Variants in ABCA3 observed in about 807,000 individuals in gnomAD.
ABCA3 encodes ATP binding cassette subfamily A member 3, also known as phospholipid-transporting ATPase ABCA3.
A neutral mutation model predicts 172.8 loss-of-function variants in ABCA3; 88 were observed. The ratio of observed to expected loss-of-function variants is 0.51; its 90% CI spans 0.43 to 0.61. The LOEUF is 0.61. ABCA3 is among the 20% of genes least tolerant of loss of function. The probability of loss-of-function intolerance (pLI) is 0.00; values close to 1 mark genes in which losing one functional copy is unlikely to be tolerated. For missense variants in ABCA3, 2,164 were observed against 2,301.0 expected, an observed-to-expected ratio of 0.94 and a Z score of 1.22; for synonymous variants, 1,066 against 983.8, an observed-to-expected ratio of 1.08 and a Z score of -1.56.
Position 2,309,494 on chromosome 16 carries a change from G to A in ABCA3, c.1112-871C>T, listed in dbSNP as rs578058207. 4.6e-5 allele frequency among the ~76,000 whole-genome samples: 7 copies of A among 152,334 alleles called. No homozygotes were observed. In the South Asian group the frequency reaches 6.2e-4, roughly 14 times the overall value. On this transcript the variant is annotated intron_variant, in intron 10 of 32. Coordinates refer to ENST00000301732, the MANE Select transcript of ABCA3 (RefSeq NM_001089.3). ...ATGGGAGAAGAGGCTCCCGACGGCC[G>A]GGAAGGCTTCGAGGAGGTGACATGT...
intron 2 of ABCA3, among the ~76,000 whole-genome samples, chr16:2,329,358 G>A (rs754825358): frequency 2.1e-4 from 32 of 152,164 alleles, no homozygotes; most frequent in Admixed American, 7.9e-4. Flanking sequence ...AGAAGAGGCC[G>A]GTGCCTCCAT....
chr16:2,294,739 T>C (rs1032452434), intron 18 of ABCA3, among the ~76,000 whole-genome samples: 9 of 152,098 alleles, frequency 5.9e-5, no homozygotes, highest in Admixed American at 5.9e-4. Context: ...TCTTAGCACT[T>C]TGGGAGGCCG....
intron 28 of ABCA3, among the ~76,000 whole-genome samples, chr16:2,280,045 G>T (rs904798417): frequency 3.3e-5 from 5 of 152,230 alleles, no homozygotes; most frequent in Non-Finnish European, 7.3e-5. Flanking sequence ...CACGCTCCCA[G>T]CCCAGAATCT....
In ABCA3 at chr16:2,277,023, C is replaced by T. The variant is rs568375759; in HGVS notation, c.4984-218G>A. On this transcript the variant is annotated intron_variant, in intron 32 of 32. Coordinates refer to ENST00000301732, the MANE Select transcript of ABCA3 (RefSeq NM_001089.3). This position sits in a 1 kb window ranked among gnomAD's most constrained non-coding sequence, Gnocchi z 5.3. ...GGAGCCAGCGGGGATGGGGCCCAGC[C>T]TCCTCCCTGTGCTGTTCCCAGCTCA... is the stretch of plus-strand genomic sequence containing the variant. 7.9e-5 allele frequency among the ~76,000 whole-genome samples: 12 copies of T among 152,326 alleles called. No homozygotes were observed. Among genetic ancestry groups the T allele is most frequent in the Non-Finnish European group, 2.9e-5 (2 of 68,020 alleles).
chr16:2,326,115 G>T lies in ABCA3; in HGVS notation c.214C>A (p.Pro72Thr). 1 of 1,614,160 alleles carries T rather than the reference G, an allele frequency of 6.2e-7. No individual in the cohort carries two copies. Among genetic ancestry groups the T allele is most frequent in the Non-Finnish European group, 8.5e-7 (1 of 1,180,052 alleles). Residue 72 changes from proline to threonine, a missense_variant, in exon 5 of 33, where the codon CCT becomes ACT. Around this residue, in one of 3 missense-constraint regions of ABCA3, gnomAD observed 1,343 missense variants for 1,369.6 expected, o/e 0.98. Transcript: ENST00000301732. The stretch of plus-strand genomic sequence containing the variant: ...AGCTCCCAGGTGTCTCCTGGCGGAG[G>T]GAAGGTGAAGAACAGAGGCAGCTCC... ...IQELPLFFTF[P>T]PPGDTWELAY...
chr16:2,333,535 C>T (rs1034348817), intron 1 of ABCA3, among the ~76,000 whole-genome samples: 3 of 152,136 alleles, frequency 2.0e-5, no homozygotes, highest in Non-Finnish European at 4.4e-5. Context: ...CACTGAGGCA[C>T]GGAGGACAGT....
chr16:2,288,369 G>C (rs750063110), intron 20 of ABCA3, 40 bp from the exon 21 acceptor site: 7 of 1,529,912 alleles, frequency 4.6e-6, no homozygotes, highest in Non-Finnish European at 6.1e-6. Context: ...GCACCGCTTG[G>C]GGCCCAGCGC....
At chr16:2,292,651 A>G (rs1035815423) in intron 18 of ABCA3, among the ~76,000 whole-genome samples, 1 of 151,856 alleles carries the variant, frequency 6.6e-6, no homozygotes, top group Non-Finnish European at 1.5e-5. Flanking sequence ...CAGGTGCAGT[A>G]TCTCACACCT....
intron 8 of ABCA3, among the ~76,000 whole-genome samples, chr16:2,318,550 C>T (rs1014827646): frequency 6.6e-6 from 1 of 150,626 alleles, no homozygotes; most frequent in Non-Finnish European, 1.5e-5. Flanking sequence ...TCTTGCTCTG[C>T]TGCCCAGGCT....
At chr16:2,296,399 T>C (rs2093679881) in intron 17 of ABCA3, among the ~76,000 whole-genome samples, 1 of 152,180 alleles carries the variant, frequency 6.6e-6, no homozygotes, top group Non-Finnish European at 1.5e-5. Context: ...CATACCTGGT[T>C]AAGTTTTTGT....
chr16:2,309,180 T>G (rs1368126682), intron 10 of ABCA3, among the ~76,000 whole-genome samples: 1 of 152,142 alleles, frequency 6.6e-6, no homozygotes, highest in Admixed American at 6.5e-5. Context: ...TCTCCTGACC[T>G]CGTGATCCAC....
chr16:2,324,651 TTCC>T, intron 5 of ABCA3, 120 bp from the exon 6 acceptor site: 1 of 1,428,720 alleles, frequency 7.0e-7, no homozygotes, highest in Non-Finnish European at 9.5e-7. Flanking sequence ...TTGTAAACCC[TTCC>T]TGAGACTCAA....
chr16:2,294,560 C>T (rs949091220), intron 18 of ABCA3, among the ~76,000 whole-genome samples: 1 of 152,126 alleles, frequency 6.6e-6, no homozygotes, highest in African/African-American at 2.4e-5. Flanking sequence ...TGTTGATACA[C>T]ACCTGTAGTC....
chr16:2,309,142 T>G (rs1385073061), intron 10 of ABCA3, among the ~76,000 whole-genome samples: 1 of 152,098 alleles, frequency 6.6e-6, no homozygotes, highest in Non-Finnish European at 1.5e-5. Context: ...GAGATAGGGT[T>G]TCACCGTGTT....
Position 2,283,211 on chromosome 16 carries a change from C to T in ABCA3, c.4010G>A (p.Cys1337Tyr), listed in dbSNP as rs1393778400. 2.5e-6 allele frequency: 4 copies of T among 1,613,328 alleles called. No individual in the cohort carries two copies. Among genetic ancestry groups the T allele is most frequent in the Admixed American group, 1.7e-5 (1 of 60,028 alleles). ...CAGTGTCCGCCTCCTCCGGAGGGCG[C>T]AGAGGATGCCCCTGAGTCTCTGAAG... ...NLLQRLRGILCALRRRRTLTE... is the reference protein window; with the variant it reads ...NLLQRLRGILYALRRRRTLTE... The change falls in exon 26 of 33, where the codon TGC becomes TAC. Residue 1337 changes from cysteine to tyrosine, a missense_variant. Cys to Tyr is a radical substitution (Grantham distance 194, BLOSUM62 -2). Coordinates refer to ENST00000301732, the MANE Select transcript of ABCA3 (RefSeq NM_001089.3). The surrounding 1 kb of genome is among the most constrained non-coding windows in gnomAD (Gnocchi z 5.4).
intron 10 of ABCA3, among the ~76,000 whole-genome samples, chr16:2,316,615 C>T (rs1596859178): frequency 6.9e-6 from 1 of 143,910 alleles, no homozygotes; most frequent in East Asian, 2.1e-4. Flanking sequence ...GAGGCAGAGA[C>T]TGCAGTGAGC....
rs2093658192 is a variant in ABCA3 at position 2,283,443 on chromosome 16, G to C, written c.3863-85C>G. 6.8e-7 allele frequency: 1 copy of C among 1,469,404 alleles called. No homozygotes were observed. Among genetic ancestry groups the C allele is most frequent in the African/African-American group, 1.4e-5 (1 of 71,298 alleles). The allele number at this position is 1,469,404 out of a possible 1,614,324, so 91.0% of individuals were successfully genotyped here. A position where few individuals can be genotyped will look rare whatever the true frequency, so the allele number is the denominator to read the frequency against. ...TTCCCGGCCCCCACTCCCCTCCCCA[G>C]GCTGCTCAAGGCGCCTGTAACAATG... On this transcript the variant is annotated intron_variant, in intron 25 of 32. Transcript: ENST00000301732. The surrounding 1 kb of genome is among the most constrained non-coding windows in gnomAD (Gnocchi z 5.4).
chr16:2,327,531 G>A (rs1023416741), intron 3 of ABCA3, among the ~76,000 whole-genome samples: 5 of 152,160 alleles, frequency 3.3e-5, no homozygotes, highest in Admixed American at 3.3e-4. Flanking sequence ...TGCAGGGAAG[G>A]GGAAAGGAGG....
chr16:2,332,196 C>T, intron 1 of ABCA3: 1 of 372,800 alleles, frequency 2.7e-6, no homozygotes, highest in Non-Finnish European at 4.9e-6. Context: ...GGCCAGTGCT[C>T]AGCAGCAAAT....
Sources: gnomAD v4.1 joint callset for allele counts (sites outside exome capture counted in the v4.1 genomes callset) on GRCh38, gnomAD v4.1.1 for gene constraint, gnomAD v4.1.1 regional missense constraint, Gnocchi (gnomAD v3.1) non-coding constraint, MANE v1.5 for transcripts, NCBI Gene and HGNC (gene_info 2026-07-23, HGNC 2026-07-21) for gene names.